Variants in CEP250 observed in about 807,000 individuals in gnomAD.
The protein encoded by CEP250 is centrosome-associated protein CEP250.
In CEP250, 242 loss-of-function variants were observed where a neutral mutation model predicts 315.7. The ratio of observed to expected loss-of-function variants is 0.77; its 90% CI spans 0.69 to 0.85. The LOEUF (loss-of-function observed/expected upper bound fraction) is 0.85. CEP250 is among the 40% of genes least tolerant of loss of function. The pLI, the probability that CEP250 is intolerant of heterozygous loss-of-function variation, is 0.00. For synonymous variants in CEP250, 1,088 were observed against 1,175.0 expected, an observed-to-expected ratio of 0.93 and a Z score of 1.51; for missense variants, 2,515 against 2,886.4, an observed-to-expected ratio of 0.87 and a Z score of 2.95.
At chr20:35,497,592 A>G in intron 25 of CEP250, 127 bp from the exon 26 acceptor site, 1 of 678,904 alleles carries the variant, frequency 1.5e-6, no homozygotes, top group Non-Finnish European at 2.5e-6. Context: ...CCTGCCTGAG[A>G]GCTGAGCTGA....
intron 3 of CEP250, among the ~76,000 whole-genome samples, chr20:35,461,180 A>G (rs75199863): frequency 0.018 from 2,762 of 152,328 alleles, 92 homozygotes; most frequent in African/African-American, 0.064. Flanking sequence ...GTTGATAGGT[A>G]GTTGAAAATA....
At chr20:35,496,927 C>T (rs899775263) in intron 25 of CEP250, among the ~76,000 whole-genome samples, 1 of 152,114 alleles carries the variant, frequency 6.6e-6, no homozygotes, top group African/African-American at 2.4e-5. Flanking sequence ...GGACATGGCT[C>T]CTGTGGGAAA....
rs995811615 is a variant in CEP250 at position 35,473,951 on chromosome 20, A to C, written c.1470A>C (p.Arg490=). 17 of 1,611,968 alleles carry C rather than the reference A, an allele frequency of 1.1e-5. No individual in the cohort carries two copies. The highest frequency in any genetic ancestry group is 1.4e-5 in the Non-Finnish European group (16 of 1,179,334). Residue 490 remains arginine (R), a synonymous_variant, in exon 14 of 35, where the codon CGA becomes CGC. Transcript: ENST00000397527. ...EVLEQEAWRL[R]RVNVELQLQG... is the part of the protein sequence containing the mutation. ...TAGAGCAGGAGGCATGGCGCCTGCGAAGGGTAAATGTGGAGCTTCAGCTGC... is the reference window on the plus strand; with the variant it reads ...TAGAGCAGGAGGCATGGCGCCTGCGCAGGGTAAATGTGGAGCTTCAGCTGC...
Position 35,503,070 on chromosome 20 carries a change from CAA to C in CEP250, c.4702_4703del (p.Lys1568AspfsTer45). On this transcript the variant is annotated frameshift_variant, in exon 30 of 35. Transcript: ENST00000397527. LOFTEE classifies it high-confidence loss of function. This position sits in a 1 kb window ranked among gnomAD's most constrained non-coding sequence, Gnocchi z 4.2. ...LALELEENHH[K>X]MECQQKLIKE... ...CCCTGGAACTGGAGGAAAACCATCA[CAA>C]GATGGAGTGCCAGCAAAAACTGATC... The C allele has an allele frequency of 1.1e-5, 17 of 1,614,156 alleles. No individual in the cohort carries two copies. The highest frequency in any genetic ancestry group is 1.4e-5 in the Non-Finnish European group (17 of 1,180,034).
At position 35,511,990 on chromosome 20, in the gene CEP250, T is replaced by G; in HGVS notation, c.*364T>G. On this transcript the variant is annotated 3_prime_UTR_variant, in exon 35 of 35. Coordinates refer to ENST00000397527, the MANE Select transcript of CEP250 (RefSeq NM_007186.6). Reference sequence around the variant, plus strand: ...TTTGCATTCATTTTCTGCTGCTGTCTCCACTTGTGCAGCTGGGTGGCAGCA... The same window carrying G: ...TTTGCATTCATTTTCTGCTGCTGTCGCCACTTGTGCAGCTGGGTGGCAGCA... 2.8e-6 allele frequency: 3 copies of G among 1,057,114 alleles called. No individual in the cohort carries two copies. The highest frequency in any genetic ancestry group is 3.8e-5 in the South Asian group (1 of 26,166). 65.5% of individuals were successfully genotyped at this position (1,057,114 alleles called of 1,614,324 possible).
intron 25 of CEP250, 74 bp from the exon 26 acceptor site, chr20:35,497,645 G>T (rs1273860597): frequency 3.0e-6 from 3 of 1,012,662 alleles, no homozygotes; most frequent in African/African-American, 1.6e-5. Context: ...GGATTGAGTG[G>T]GGTCTGGCCT....
chr20:35,495,592 C>CA (rs1463613596), intron 24 of CEP250, among the ~76,000 whole-genome samples: 20 of 150,858 alleles, frequency 1.3e-4, no homozygotes, highest in South Asian at 4.2e-4. Flanking sequence ...ACTAAAAATA[C>CA]AAAAAAAAAT....
At chr20:35,494,730 T>A (rs2063790233) in intron 24 of CEP250, 73 bp downstream of exon 24, 1 of 1,561,866 alleles carries the variant, frequency 6.4e-7, no homozygotes, top group Admixed American at 1.7e-5. Flanking sequence ...TGACAGTTGT[T>A]TGCTCAGGCC....
intron 11 of CEP250, 114 bp from the exon 12 acceptor site, chr20:35,472,559 G>A (rs1416340563): frequency 9.2e-7 from 1 of 1,081,456 alleles, no homozygotes. Context: ...CTTCCCCCAG[G>A]GGAGAGGACC....
At chr20:35,491,662 G>A (rs1353513539) in intron 22 of CEP250, among the ~76,000 whole-genome samples, 1 of 152,128 alleles carries the variant, frequency 6.6e-6, no homozygotes, top group African/African-American at 2.4e-5. Flanking sequence ...CAGCACATTG[G>A]GAGGCTGAGG....
intron 10 of CEP250, among the ~76,000 whole-genome samples, chr20:35,471,126 T>G (rs1162836497): frequency 2.0e-5 from 3 of 152,144 alleles, no homozygotes; most frequent in Admixed American, 6.5e-5. Flanking sequence ...TTTCAGGAAC[T>G]TGCCAATTCA....
rs771769444 is a variant in CEP250, at chr20:35,505,000, C to T, written c.6631C>T (p.Leu2211=). Residue 2211 remains leucine (L), a synonymous_variant, in exon 30 of 35, where the codon CTG becomes TTG. Transcript: ENST00000397527. ...VLERDSEQQR[L]QDELELTRRA... Reference sequence around the variant, plus strand: ...GGAGCGGGACTCAGAACAGCAAAGGCTGCAGGTAAGTCACTCCATGGGGAG... The same window carrying T: ...GGAGCGGGACTCAGAACAGCAAAGGTTGCAGGTAAGTCACTCCATGGGGAG... 2 of 1,601,350 alleles carry T rather than the reference C, an allele frequency of 1.2e-6. No individual in the cohort carries two copies. The highest frequency in any genetic ancestry group is 2.2e-5 in the South Asian group (2 of 89,940).
At position 35,503,574 on chromosome 20, in the gene CEP250, G is replaced by C. The variant is rs764594932; in HGVS notation, c.5205G>C (p.Glu1735Asp). The stretch of plus-strand genomic sequence containing the variant: ...TGAAGCTGATCCTGCGTGATAAGGA[G>C]AAGGAGGTGGAATGTCAGCAGGAGC... ...EHMKLILRDK[E>D]KEVECQQEHI... Residue 1735 changes from glutamate to aspartate, a missense_variant, in exon 30 of 35, where the codon GAG becomes GAC. By Grantham distance (45) the Glu-to-Asp change is conservative. Transcript: ENST00000397527. The surrounding 1 kb of genome is among the most constrained non-coding windows in gnomAD (Gnocchi z 4.2). 6.2e-7 allele frequency: 1 copy of C among 1,614,174 alleles called. No homozygotes were observed. Among genetic ancestry groups the C allele is most frequent in the East Asian group, 2.2e-5 (1 of 44,882 alleles).
intron 27 of CEP250, 52 bp downstream of exon 27, chr20:35,498,768 T>C (rs1258274493): frequency 1.3e-6 from 2 of 1,514,122 alleles, no homozygotes; most frequent in Non-Finnish European, 1.8e-6. Flanking sequence ...TGGAAAAGCA[T>C]GAGGCAAAGG....
intron 10 of CEP250, 49 bp from the exon 11 acceptor site, chr20:35,472,000 AT>A (rs1192307514): frequency 8.8e-7 from 1 of 1,133,056 alleles, no homozygotes; most frequent in Non-Finnish European, 1.3e-6. Context: ...GGAATAATAA[AT>A]TCACTTTTGA....
Position 35,498,713 on chromosome 20 carries a change from C to T in CEP250, c.3774C>T (p.Thr1258=), listed in dbSNP as rs1163778898. 2.0e-5 allele frequency: 32 copies of T among 1,571,868 alleles called. No homozygotes were observed. Among genetic ancestry groups the T allele is most frequent in the Non-Finnish European group, 2.7e-5 (32 of 1,165,804 alleles). ...AAGACCTGTGGAAGACTCAACAGAC[C>T]CGGGTATGTTTCTCTGCTCCCCTTT... The part of the protein sequence containing the change: ...LHQDLWKTQQ[T]RDVLRDQVQK... Residue 1258 remains threonine, a synonymous_variant, in exon 27 of 35, where the codon ACC becomes ACT. Coordinates refer to ENST00000397527, the MANE Select transcript of CEP250 (RefSeq NM_007186.6).
chr20:35,467,444 T>C lies in CEP250; in HGVS notation c.740T>C (p.Leu247Pro), dbSNP rs1483404372. The change falls in exon 9 of 35, where the codon CTG becomes CCG. Residue 247 changes from leucine to proline, a missense_variant. By Grantham distance (98) the Leu-to-Pro change is moderately conservative. Coordinates refer to ENST00000397527, the MANE Select transcript of CEP250 (RefSeq NM_007186.6). ...RMDGREPAQL[L>P]LLLAKTQELE... is the part of the protein sequence containing the mutation. Reference sequence around the variant, plus strand: ...GATGGGCGGGAGCCGGCCCAGCTGCTGCTGCTACTAGCCAAGACCCAGGAG... The same window carrying C: ...GATGGGCGGGAGCCGGCCCAGCTGCCGCTGCTACTAGCCAAGACCCAGGAG... 1 of 1,614,178 alleles carries C rather than the reference T, an allele frequency of 6.2e-7. No individual in the cohort carries two copies. The highest frequency in any genetic ancestry group is 8.5e-7 in the Non-Finnish European group (1 of 1,180,028).
At chr20:35,465,193 G>A (rs919432456) in intron 5 of CEP250, among the ~76,000 whole-genome samples, 4 of 152,168 alleles carry the variant, frequency 2.6e-5, no homozygotes, top group African/African-American at 9.7e-5. Flanking sequence ...GCTGAGGTGG[G>A]TGGATCACTT....
chr20:35,496,810 C>G, intron 25 of CEP250, 95 bp downstream of exon 25: 2 of 1,363,878 alleles, frequency 1.5e-6, no homozygotes, highest in Non-Finnish European at 2.0e-6. Context: ...ATGGAGAGGA[C>G]CCATCTATTT....
Sources: gnomAD v4.1 joint callset for allele counts (sites outside exome capture counted in the v4.1 genomes callset) on GRCh38, gnomAD v4.1.1 for gene constraint, Gnocchi (gnomAD v3.1) non-coding constraint, MANE v1.5 for transcripts, NCBI Gene and HGNC (gene_info 2026-07-23, HGNC 2026-07-21) for gene names.